PHEX: variants seen among roughly 807,000 people sequenced by gnomAD.
PHEX encodes phosphate regulating endopeptidase X-linked, also known as phosphate-regulating neutral endopeptidase PHEX.
In PHEX, 16 loss-of-function variants were observed where a neutral mutation model predicts 68.0. The observed-to-expected ratio is 0.24, with a 90% CI of 0.16 to 0.36. The LOEUF (loss-of-function observed/expected upper bound fraction) is 0.36. PHEX is among the 10% of genes least tolerant of loss of function. PHEX has a pLI of 1.00. For synonymous variants in PHEX, 208 were observed against 205.1 expected, an observed-to-expected ratio of 1.01 and a Z score of -0.12; for missense variants, 480 against 575.5, an observed-to-expected ratio of 0.83 and a Z score of 1.70.
chrX:22,061,523 A>T (rs1000556249), intron 3 of PHEX, among the ~76,000 whole-genome samples: 3 of 111,837 alleles, frequency 2.7e-5, no homozygotes, highest in Non-Finnish European at 5.6e-5. Context: ...AGAATATGTC[A>T]CATAGGGCAG....
intron 3 of PHEX, among the ~76,000 whole-genome samples, chrX:22,068,316 G>T (rs1928707073): frequency 9.0e-6 from 1 of 111,673 alleles, no homozygotes; most frequent in African/African-American, 3.3e-5. Flanking sequence ...CAAAAATAGG[G>T]TGACAGGGCA....
At chrX:22,211,065 T>C (rs1374685764) in intron 15 of PHEX, among the ~76,000 whole-genome samples, 1 of 111,655 alleles carries the variant, frequency 9.0e-6, no homozygotes, top group African/African-American at 3.3e-5. Context: ...AAGGCTTCTC[T>C]CTCTCTTTTT....
intron 1 of PHEX, among the ~76,000 whole-genome samples, chrX:22,036,528 G>A (rs752550863): frequency 4.9e-4 from 54 of 110,965 alleles, no homozygotes; most frequent in African/African-American, 1.7e-3. Context: ...GATCAAGAAG[G>A]TATTGTCCAG....
intron 20 of PHEX, among the ~76,000 whole-genome samples, chrX:22,244,131 C>G (rs745756930): frequency 9.0e-6 from 1 of 111,545 alleles, no homozygotes; most frequent in African/African-American, 3.3e-5. Context: ...ATGTTCTTTG[C>G]AGGGACATGG....
intron 1 of PHEX, among the ~76,000 whole-genome samples, chrX:22,035,012 C>A (rs1926946794): frequency 9.0e-6 from 1 of 110,936 alleles, no homozygotes; most frequent in Admixed American, 9.7e-5. Flanking sequence ...TGAAAAGCTC[C>A]AGGGACCTGC....
intron 14 of PHEX, among the ~76,000 whole-genome samples, chrX:22,183,111 G>T (rs1294165209): frequency 9.1e-6 from 1 of 109,962 alleles, no homozygotes; most frequent in Non-Finnish European, 1.9e-5. Flanking sequence ...TTTAACCTTG[G>T]CTAATATTCT....
chrX:22,064,844 TC>T (rs1928526881), intron 3 of PHEX, among the ~76,000 whole-genome samples: 1 of 112,385 alleles, frequency 8.9e-6, no homozygotes, highest in Admixed American at 9.4e-5. Flanking sequence ...AAAGATTTGT[TC>T]ATTTCCTTTT....
chrX:22,079,050 A>T (rs1038152784), intron 5 of PHEX, among the ~76,000 whole-genome samples: 2 of 112,078 alleles, frequency 1.8e-5, no homozygotes, highest in African/African-American at 6.5e-5. Context: ...AGGTTTTAAG[A>T]CTATCATTAT....
At position 22,070,248 on chromosome X, in the gene PHEX, T is replaced by C. The variant is rs191456509; in HGVS notation, c.350-6140T>C. On this transcript the variant is annotated intron_variant, in intron 3 of 21. Coordinates refer to ENST00000379374, the MANE Select transcript of PHEX (RefSeq NM_000444.6). ...GGAAGCTTAAAGTATAGATTTGGTT[T>C]TCCAGAGTTTTAATTTTTCATGTTC... Among the ~76,000 whole-genome samples, 363 of 112,067 alleles carry C rather than the reference T, an allele frequency of 3.2e-3. 1 individual carries two copies. Among genetic ancestry groups the C allele is most frequent in the African/African-American group, 0.011 (330 of 30,848 alleles).
chrX:22,100,101 A>G (rs1930348968), intron 9 of PHEX, among the ~76,000 whole-genome samples: 1 of 112,665 alleles, frequency 8.9e-6, no homozygotes, highest in African/African-American at 3.2e-5. Context: ...AAATTCTATC[A>G]TTTAGAGATA....
chrX:22,215,574 G>A (rs1183770862), intron 16 of PHEX, among the ~76,000 whole-genome samples: 2 of 111,547 alleles, frequency 1.8e-5, no homozygotes, highest in African/African-American at 6.5e-5. Flanking sequence ...AATAGTAATA[G>A]AGGTAAGACA....
intron 20 of PHEX, among the ~76,000 whole-genome samples, chrX:22,237,157 G>C (rs941279275): frequency 8.9e-6 from 1 of 112,012 alleles, no homozygotes; most frequent in Non-Finnish European, 1.9e-5. Flanking sequence ...GGCATAATGT[G>C]TTTTCAGAAG....
Position 22,249,415 on chromosome X carries a change from G to T in PHEX, c.*1462G>T, listed in dbSNP as rs1175105306. On this transcript the variant is annotated 3_prime_UTR_variant, in exon 22 of 22. Transcript: ENST00000379374. Reference sequence around the variant, plus strand: ...TTCAGATTAACCACAGGAAGCCATTGTGTGTCCCTGTGATTTGTGATTCTT... The same window carrying T: ...TTCAGATTAACCACAGGAAGCCATTTTGTGTCCCTGTGATTTGTGATTCTT... 1.2e-5 allele frequency: 1 copy of T among 84,933 alleles called. No individual in the cohort carries two copies. The highest frequency in any genetic ancestry group is 4.9e-5 in the African/African-American group (1 of 20,397). 7.0% of individuals were successfully genotyped at this position (84,933 alleles called of 1,213,427 possible).
rs1933727284 is a variant in PHEX, at chrX:22,176,831, A to G, written c.1483-1442A>G. Among the ~76,000 whole-genome samples, 3 of 111,611 alleles carry G rather than the reference A, an allele frequency of 2.7e-5. No homozygotes were observed. The South Asian group carries it at 1.1e-3, about 42-fold the overall frequency. ...TAATTTTTAAGATTATTTCATGTTC[A>G]TGCATACAGAACAATCATGTAAACT... On this transcript the variant is annotated intron_variant, in intron 13 of 21. Coordinates refer to ENST00000379374, the MANE Select transcript of PHEX (RefSeq NM_000444.6).
At chrX:22,163,373 T>C (rs1933203621) in intron 12 of PHEX, 1 of 111,430 alleles carries the variant, frequency 9.0e-6, no homozygotes, top group Non-Finnish European at 1.9e-5. Flanking sequence ...ATTGGAGTCC[T>C]GACAGTAAGA....
chrX:22,136,177 G>GAA (rs113212789), intron 12 of PHEX, among the ~76,000 whole-genome samples: 13 of 102,956 alleles, frequency 1.3e-4, no homozygotes, highest in Non-Finnish European at 2.0e-4. Context: ...CGTTGTTTTT[G>GAA]AAAAAAAAAA....
At position 22,091,145 on chromosome X, in the gene PHEX, AGACCTAGGTC is replaced by A. The variant is rs1235191243; in HGVS notation, c.732+649_732+658del. ...TTTATTGAACTTCCAAAGGAGCCTCAGACCTAGGTCCCCTGGGTCTATGCCGATACTAACT... is the reference window on the plus strand; with the variant it reads ...TTTATTGAACTTCCAAAGGAGCCTCACCCTGGGTCTATGCCGATACTAACT... On this transcript the variant is annotated intron_variant, in intron 6 of 21. Coordinates refer to ENST00000379374, the MANE Select transcript of PHEX (RefSeq NM_000444.6). Among the ~76,000 whole-genome samples the A allele has an allele frequency of 7.1e-5, 8 of 111,969 alleles. No individual in the cohort carries two copies. The South Asian group carries it at 3.0e-3, about 42-fold the overall frequency.
intron 10 of PHEX, 150 bp from the exon 11 acceptor site, chrX:22,114,308 C>T: frequency 1.9e-6 from 1 of 527,449 alleles, no homozygotes; most frequent in Non-Finnish European, 3.2e-6. Flanking sequence ...TTTTCTTCAA[C>T]TATTTTACCT....
At chrX:22,123,780 TCTCATGAAATTA>T (rs1260556382) in intron 11 of PHEX, among the ~76,000 whole-genome samples, 8 of 109,354 alleles carry the variant, frequency 7.3e-5, no homozygotes, top group Admixed American at 9.8e-5. Flanking sequence ...CATACAAGAG[TCTCATGAAATTA>T]CTCATGAAAT....
Sources: allele counts gnomAD v4.1 joint callset (sites outside exome capture counted in the v4.1 genomes callset), GRCh38; gene constraint gnomAD v4.1.1; transcripts MANE v1.5; gene names NCBI Gene and HGNC (gene_info 2026-07-23, HGNC 2026-07-21).